AP3B2: variants seen among roughly 807,000 people sequenced by gnomAD.
AP3B2 encodes the protein AP-3 complex subunit beta-2.
In AP3B2, 50 loss-of-function variants were observed where a neutral mutation model predicts 126.9. That is an observed-to-expected ratio of 0.39 (90% CI 0.31 to 0.50). The LOEUF (loss-of-function observed/expected upper bound fraction) is 0.50, where lower values mean the gene tolerates loss of function less well. Ranked by LOEUF, AP3B2 falls within the 20% of genes least tolerant of loss-of-function variation. AP3B2 has a pLI of 0.79. For synonymous variants in AP3B2, 541 were observed against 565.0 expected (o/e 0.96, Z 0.60); for missense variants, 1,177 against 1,426.4 (o/e 0.83, Z 2.82).
chr15:82,693,632 A>C (rs1048781885), intron 1 of AP3B2, among the ~76,000 whole-genome samples: 1 of 147,604 alleles, frequency 6.8e-6, no homozygotes, highest in Non-Finnish European at 1.5e-5. Flanking sequence ...TTAAATACAA[A>C]AGAAGGAAGG....
chr15:82,663,000 C>G, intron 22 of AP3B2, 78 bp from the exon 23 acceptor site: 1 of 1,529,396 alleles, frequency 6.5e-7, no homozygotes, highest in Non-Finnish European at 8.9e-7. Flanking sequence ...CTAGGGCCAT[C>G]CAGCAGCTGG....
At chr15:82,666,273 A>G (rs1040862553) in intron 15 of AP3B2, among the ~76,000 whole-genome samples, 4 of 152,236 alleles carry the variant, frequency 2.6e-5, no homozygotes, top group Middle Eastern at 3.2e-3. Context: ...GCCCAGGAAC[A>G]GAGGCAAGGC....
chr15:82,659,472 G>T lies in AP3B2; in HGVS notation c.*88C>A, dbSNP rs902859274. ...CTATCTGGCATGAGGAGGATGATGA[G>T]AGAGAGAGAGAAAGATGAGAGAGAC... On this transcript the variant is annotated 3_prime_UTR_variant, in exon 27 of 27. Transcript: ENST00000535359. The T allele has an allele frequency of 2.0e-6, 3 of 1,519,236 alleles. No homozygotes were observed. The African/African-American group carries it at 4.1e-5, about 21-fold the overall frequency. The allele number at this position is 1,519,236 out of a possible 1,614,324, so 94.1% of individuals were successfully genotyped here. A position where few individuals can be genotyped will look rare whatever the true frequency, so the allele number is the denominator to read the frequency against.
chr15:82,660,733 CTTCA>C (rs1281792102), intron 25 of AP3B2, among the ~76,000 whole-genome samples: 17 of 152,324 alleles, frequency 1.1e-4, no homozygotes, highest in African/African-American at 3.8e-4. Flanking sequence ...CTTCTATCCC[CTTCA>C]TTCATGACTA....
chr15:82,689,813 G>C (rs1196971674), intron 1 of AP3B2: 1 of 235,140 alleles, frequency 4.3e-6, no homozygotes, highest in Admixed American at 5.1e-5. Flanking sequence ...TAAGAAGACA[G>C]CCATGTGGGC....
At chr15:82,688,900 G>C in intron 3 of AP3B2, 69 bp from the exon 4 acceptor site, 4 of 1,404,098 alleles carry the variant, frequency 2.8e-6, no homozygotes, top group Non-Finnish European at 3.9e-6. Flanking sequence ...CCTACCCCTG[G>C]GATGTCATCT....
At chr15:82,691,071 C>A (rs2048523424) in intron 1 of AP3B2, among the ~76,000 whole-genome samples, 1 of 152,126 alleles carries the variant, frequency 6.6e-6, no homozygotes, top group Non-Finnish European at 1.5e-5. Flanking sequence ...AATAAACATA[C>A]GTGTGCATGT....
rs535766060 is a variant in AP3B2 at position 82,703,505 on chromosome 15, A to G, written c.113+6089T>C. On this transcript the variant is annotated intron_variant, in intron 1 of 26. Coordinates refer to ENST00000535359, the MANE Select transcript of AP3B2 (RefSeq NM_001278512.2). ...TCTTCTCTCTTAGCCTGTGTTCTCA[A>G]GAACTTAAAACCTCTTCAACTCACA... Among the ~76,000 whole-genome samples the G allele has an allele frequency of 2.0e-5, 3 of 152,214 alleles. No individual in the cohort carries two copies. The East Asian group carries it at 5.8e-4, about 29-fold the overall frequency.
Position 82,662,919 on chromosome 15 carries a change from G to A in AP3B2, c.2608C>T (p.Leu870=), listed in dbSNP as rs764527361. 11 of 1,612,102 alleles carry A rather than the reference G, an allele frequency of 6.8e-6. No homozygotes were observed. In the Admixed American group the frequency reaches 1.7e-4, roughly 25 times the overall value. The change falls in exon 23 of 27, where the codon CTG becomes TTG. Residue 870 remains leucine, a synonymous_variant. Coordinates refer to ENST00000535359, the MANE Select transcript of AP3B2 (RefSeq NM_001278512.2). The part of the protein sequence containing the change: ...LTDSTLVPSL[L]SPVSGVGRQE... ...CGCCCAACACCCGATACTGGACTCAGAAGCTAGAGTGGAGGGGTAGGGAAG... is the reference window on the plus strand; with the variant it reads ...CGCCCAACACCCGATACTGGACTCAAAAGCTAGAGTGGAGGGGTAGGGAAG...
intron 1 of AP3B2, among the ~76,000 whole-genome samples, chr15:82,703,150 C>T (rs989749524): frequency 3.3e-5 from 5 of 152,166 alleles, no homozygotes; most frequent in East Asian, 3.8e-4. Context: ...ACTGCGGGGA[C>T]GCCTGCTTGA....
At position 82,677,325 on chromosome 15, in the gene AP3B2, T is replaced by G. The variant is rs1259854869; in HGVS notation, c.1437A>C (p.Ala479=). 42 of 1,613,894 alleles carry G rather than the reference T, an allele frequency of 2.6e-5. No homozygotes were observed. The highest frequency in any genetic ancestry group is 3.6e-5 in the Non-Finnish European group (42 of 1,179,906). Residue 479 remains alanine (A), a synonymous_variant, in exon 13 of 27, where the codon GCA becomes GCC. Coordinates refer to ENST00000535359, the MANE Select transcript of AP3B2 (RefSeq NM_001278512.2). The stretch of plus-strand genomic sequence containing the variant: ...AGTGTTTGATGATCTCTCCATGTTG[T>G]GCTGGCTGCATCTGTAGCAATTTCT... The part of the protein sequence containing the change: ...VIKKLLQMQP[A]QHGEIIKHLA...
Position 82,683,068 on chromosome 15 carries a change from T to G in AP3B2, c.361-1488A>C, listed in dbSNP as rs1033692916. On this transcript the variant is annotated intron_variant, in intron 4 of 26. Coordinates refer to ENST00000535359, the MANE Select transcript of AP3B2 (RefSeq NM_001278512.2). ...AGGAGTTTTTTTTTTTTTTTTTTTTTTTTTTTTTGTAACGGAGTCTCGCTC... is the reference window on the plus strand; with the variant it reads ...AGGAGTTTTTTTTTTTTTTTTTTTTGTTTTTTTTGTAACGGAGTCTCGCTC... Among the ~76,000 whole-genome samples the G allele has an allele frequency of 3.7e-4, 47 of 127,738 alleles. 2 individuals are homozygous for G. Among genetic ancestry groups the G allele is most frequent in the African/African-American group, 1.3e-3 (40 of 31,874 alleles). The allele number at this position is 127,738 out of a possible 152,430, so 83.8% of individuals were successfully genotyped here.
At position 82,676,793 on chromosome 15, in the gene AP3B2, G is replaced by A. The variant is rs538514259; in HGVS notation, c.1489-156C>T. ...GTTGGGGGTGGTGAGATAGAGAGAGGTTAAAAGGTAGACATTTCCTAGACA... is the reference window on the plus strand; with the variant it reads ...GTTGGGGGTGGTGAGATAGAGAGAGATTAAAAGGTAGACATTTCCTAGACA... On this transcript the variant is annotated intron_variant, in intron 13 of 26. Transcript: ENST00000535359. 5.3e-5 allele frequency among the ~76,000 whole-genome samples: 8 copies of A among 152,168 alleles called. 1 individual carries two copies. The South Asian group carries it at 1.7e-3, about 32-fold the overall frequency.
chr15:82,684,246 T>G (rs1279401024), intron 4 of AP3B2, among the ~76,000 whole-genome samples: 3 of 152,246 alleles, frequency 2.0e-5, no homozygotes, highest in African/African-American at 7.2e-5. Flanking sequence ...CATCTCTTGT[T>G]GAACATAGTC....
At chr15:82,677,565 C>T in intron 12 of AP3B2, 106 bp downstream of exon 12, 1 of 1,424,352 alleles carries the variant, frequency 7.0e-7, no homozygotes, top group Non-Finnish European at 9.4e-7. Flanking sequence ...CCAATGGATA[C>T]ACATTGTGTC....
At chr15:82,667,190 C>G (rs918695304) in intron 14 of AP3B2, among the ~76,000 whole-genome samples, 1 of 152,180 alleles carries the variant, frequency 6.6e-6, no homozygotes, top group African/African-American at 2.4e-5. Flanking sequence ...TCCTTTTGGA[C>G]TTTCCCCACT....
At chr15:82,677,073 G>A (rs1481036504) in intron 13 of AP3B2, among the ~76,000 whole-genome samples, 1 of 152,170 alleles carries the variant, frequency 6.6e-6, no homozygotes, top group Non-Finnish European at 1.5e-5. Context: ...AAAGTCCATC[G>A]TGCTCATTGA....
In AP3B2 at chr15:82,665,667, T is replaced by C. The variant is rs7494860; in HGVS notation, c.1853-92A>G. On this transcript the variant is annotated intron_variant, in intron 15 of 26. Transcript: ENST00000535359. This position sits in a 1 kb window ranked among gnomAD's most constrained non-coding sequence, Gnocchi z 4.4. The stretch of plus-strand genomic sequence containing the variant: ...GGTGGGGCTGGGTGGTGATTCTGGT[T>C]GGGACTTCCCAGGTGGGTAGGGGAA... The C allele has an allele frequency of 0.59, 604,288 of 1,020,230 alleles. 180,563 individuals carry two copies. Among genetic ancestry groups the C allele is most frequent in the Admixed American group, 0.63 (32,664 of 51,892 alleles). The allele number at this position is 1,020,230 out of a possible 1,614,324, so 63.2% of individuals were successfully genotyped here.
chr15:82,699,408 C>T (rs1004761283), intron 1 of AP3B2, among the ~76,000 whole-genome samples: 1 of 152,142 alleles, frequency 6.6e-6, no homozygotes, highest in African/African-American at 2.4e-5. Flanking sequence ...TATCCTCCTC[C>T]CCTCAGAGCC....
Sources: allele counts gnomAD v4.1 joint callset (sites outside exome capture counted in the v4.1 genomes callset), GRCh38; gene constraint gnomAD v4.1.1; non-coding constraint Gnocchi (gnomAD v3.1); transcripts MANE v1.5; gene names NCBI Gene and HGNC (gene_info 2026-07-23, HGNC 2026-07-21).